The following DOCK8 variants were observed in gnomAD, a reference collection of about 807,000 sequenced individuals.
DOCK8 encodes the protein dedicator of cytokinesis 8, also known as dedicator of cytokinesis protein 8.
In DOCK8, 141 loss-of-function variants were observed where a neutral mutation model predicts 245.6. The observed-to-expected ratio is 0.57, with a 90% CI of 0.50 to 0.66. DOCK8 has a LOEUF of 0.66. Ranked by LOEUF, DOCK8 falls within the 30% of genes least tolerant of loss-of-function variation. The pLI is 0.00. For synonymous variants in DOCK8, 1,168 were observed against 970.2 expected (o/e 1.20, Z -3.79); for missense variants, 2,965 against 2,603.4 (o/e 1.14, Z -3.02).
intron 28 of DOCK8, among the ~76,000 whole-genome samples, chr9:414,454 C>A (rs2055893607): frequency 6.6e-6 from 1 of 152,038 alleles, no homozygotes. Flanking sequence ...GTAGTTCTAT[C>A]CTATATTGCT....
At chr9:252,516 A>G (rs1314384286) in intron 1 of DOCK8, among the ~76,000 whole-genome samples, 3 of 151,874 alleles carry the variant, frequency 2.0e-5, no homozygotes, top group East Asian at 1.9e-4. Flanking sequence ...AAAAATTCCT[A>G]TGTAGGTCGG....
At chr9:267,911 G>T (rs781322992) in intron 1 of DOCK8, 2 of 152,184 alleles carry the variant, frequency 1.3e-5, no homozygotes, top group African/African-American at 2.4e-5. Flanking sequence ...ATTCCACGGT[G>T]TATATTTCCC....
At chr9:322,488 CTG>C (rs1289127440) in intron 7 of DOCK8, among the ~76,000 whole-genome samples, 1 of 151,886 alleles carries the variant, frequency 6.6e-6, no homozygotes, top group Non-Finnish European at 1.5e-5. Flanking sequence ...CAGTCCCTAA[CTG>C]TGTAGACTTT....
chr9:220,608 T>TA (rs1486601057), intron 1 of DOCK8: 1 of 284,058 alleles, frequency 3.5e-6, no homozygotes. Context: ...CAAAAGCATT[T>TA]AGTTTTTTTC....
chr9:452,660 C>T (rs550166617), intron 46 of DOCK8: 1 of 152,398 alleles, frequency 6.6e-6, no homozygotes, highest in Admixed American at 6.5e-5. Context: ...TGTAATGTTA[C>T]AAATCTTATA....
rs1410215 is a variant in DOCK8 at position 337,045 on chromosome 9, G to C, written c.1422+327G>C. Reference sequence around the variant, plus strand: ...CATGCTAGCTCAGGTCTCTCTTCCTGTTCTTATAAAGCCACCAGTTCCCCT... The same window carrying C: ...CATGCTAGCTCAGGTCTCTCTTCCTCTTCTTATAAAGCCACCAGTTCCCCT... On this transcript the variant is annotated intron_variant, in intron 12 of 47. Coordinates refer to ENST00000432829, the MANE Select transcript of DOCK8 (RefSeq NM_203447.4). Among the ~76,000 whole-genome samples, 81,417 of 151,700 alleles carry C rather than the reference G, an allele frequency of 0.54. 22,160 individuals carry two copies. Among genetic ancestry groups the C allele is most frequent in the East Asian group, 0.8 (4,107 of 5,144 alleles).
chr9:411,305 C>T (rs777395527), intron 28 of DOCK8, among the ~76,000 whole-genome samples: 19 of 151,878 alleles, frequency 1.3e-4, no homozygotes, highest in Admixed American at 9.9e-4. Flanking sequence ...CCCATCTACT[C>T]GGGAGGCTGA....
intron 1 of DOCK8, among the ~76,000 whole-genome samples, chr9:234,269 C>G (rs200894602): frequency 3.3e-5 from 5 of 152,190 alleles, no homozygotes; most frequent in African/African-American, 4.8e-5. Flanking sequence ...GAGATCAGCT[C>G]TTAGTCTGAT....
In DOCK8 at chr9:464,168, C is replaced by T; in HGVS notation, c.6249C>T (p.Phe2083=). 6.2e-7 allele frequency: 1 copy of T among 1,613,628 alleles called. No homozygotes were observed. The highest frequency in any genetic ancestry group is 1.1e-5 in the South Asian group (1 of 91,078). The change falls in exon 48 of 48, where the codon TTC becomes TTT. Residue 2083 remains phenylalanine (F), a synonymous_variant. Transcript: ENST00000432829. ...FRVESQKRDS[F]HRSSFRKCET... is the part of the protein sequence containing the mutation. ...CTTTTCTTAATTTCAGGGACTCCTT[C>T]CACAGATCTAGTTTCAGGAAATGTG...
Position 403,400 on chromosome 9 carries a change from T to C in DOCK8, c.3235-1518T>C, listed in dbSNP as rs1193773182. Among the ~76,000 whole-genome samples, 8 of 152,262 alleles carry C rather than the reference T, an allele frequency of 5.3e-5. No homozygotes were observed. The East Asian group carries it at 1.5e-3, about 29-fold the overall frequency. On this transcript the variant is annotated intron_variant, in intron 26 of 47. Coordinates refer to ENST00000432829, the MANE Select transcript of DOCK8 (RefSeq NM_203447.4). ...CCACTGGTCCAAAGTCAGCCAGGAG[T>C]GCACATCGAAAGGTTATGGGATCTG...
At chr9:311,806 A>C (rs1451234196) in intron 5 of DOCK8, 148 bp from the exon 6 acceptor site, 6 of 974,886 alleles carry the variant, frequency 6.2e-6, no homozygotes, top group Non-Finnish European at 9.8e-6. Context: ...TGTCATTCTT[A>C]TCAAATCCGC....
At chr9:273,444 A>T (rs189658021) in intron 2 of DOCK8, among the ~76,000 whole-genome samples, 112 of 152,318 alleles carry the variant, frequency 7.4e-4, no homozygotes, top group Admixed American at 4.9e-3. Flanking sequence ...AATCAAAAAA[A>T]TTTTTTTAAA....
chr9:350,925 C>G (rs1412500433), intron 14 of DOCK8, among the ~76,000 whole-genome samples: 1 of 152,144 alleles, frequency 6.6e-6, no homozygotes, highest in Non-Finnish European at 1.5e-5. Flanking sequence ...GGCAGAGATT[C>G]ATACCCTTTC....
At chr9:409,515 A>C (rs554990027) in intron 28 of DOCK8, among the ~76,000 whole-genome samples, 11 of 152,216 alleles carry the variant, frequency 7.2e-5, no homozygotes, top group South Asian at 4.2e-4. Context: ...TTGAATTCTG[A>C]TGTAGCCTTA....
intron 18 of DOCK8, among the ~76,000 whole-genome samples, chr9:374,753 A>G (rs2053453427): frequency 6.6e-6 from 1 of 151,706 alleles, no homozygotes; most frequent in African/African-American, 2.4e-5. Flanking sequence ...GGTGTGAGCC[A>G]CCATGCCCGG....
chr9:425,261 A>T (rs560161670), intron 33 of DOCK8, among the ~76,000 whole-genome samples: 1 of 152,210 alleles, frequency 6.6e-6, no homozygotes, highest in African/African-American at 2.4e-5. Context: ...GGCCGGGCAC[A>T]GTGGCTCACA....
intron 29 of DOCK8, 90 bp from the exon 30 acceptor site, chr9:417,978 G>C: frequency 6.4e-7 from 1 of 1,555,416 alleles, no homozygotes; most frequent in Non-Finnish European, 8.8e-7. Context: ...GCTGACTTTA[G>C]TGACTGAGAA....
chr9:341,083 A>G (rs1165093562), intron 14 of DOCK8, among the ~76,000 whole-genome samples: 5 of 152,254 alleles, frequency 3.3e-5, no homozygotes, highest in Non-Finnish European at 7.3e-5. Context: ...AATAACAGAA[A>G]GTTCTGTATG....
rs2057931806 is a variant in DOCK8, at chr9:465,173, T to G, written c.*954T>G. ...TTTAGGAAAAAGAGGAACAAAGACA[T>G]TATTTGAGAATTAAATTATATATTT... On this transcript the variant is annotated 3_prime_UTR_variant, in exon 48 of 48. Transcript: ENST00000432829. 6.5e-6 allele frequency: 1 copy of G among 152,674 alleles called. No homozygotes were observed. The highest frequency in any genetic ancestry group is 1.5e-5 in the Non-Finnish European group (1 of 68,042). The allele number at this position is 152,674 out of a possible 1,614,324, so 9.5% of individuals were successfully genotyped here. A position where few individuals can be genotyped will look rare whatever the true frequency, so the allele number is the denominator to read the frequency against.
Sources: allele counts gnomAD v4.1 joint callset (sites outside exome capture counted in the v4.1 genomes callset), GRCh38; gene constraint gnomAD v4.1.1; transcripts MANE v1.5; gene names NCBI Gene and HGNC (gene_info 2026-07-23, HGNC 2026-07-21).